SDC2: variants seen among roughly 807,000 people sequenced by gnomAD.
SDC2 encodes the protein syndecan 2, also known as syndecan-2.
Under a neutral mutation model 22.2 loss-of-function variants are expected in SDC2, and 13 were observed. The ratio of observed to expected loss-of-function variants is 0.59; its 90% confidence interval spans 0.38 to 0.93. The LOEUF (loss-of-function observed/expected upper bound fraction) is 0.93. Ranked by LOEUF, SDC2 falls within the 40% of genes least tolerant of loss-of-function variation. The probability of loss-of-function intolerance (pLI) is 0.00; values close to 1 mark genes in which losing one functional copy is unlikely to be tolerated. For synonymous variants in SDC2, 94 were observed against 92.8 expected (o/e 1.01, Z -0.07); for missense variants, 235 against 246.8 (o/e 0.95, Z 0.32).
chr8:96,546,200 A>G (rs921616038), intron 1 of SDC2, among the ~76,000 whole-genome samples: 4 of 152,192 alleles, frequency 2.6e-5, no homozygotes, highest in African/African-American at 9.7e-5. Context: ...CTTAAATCAG[A>G]GACTGGTCTA....
At chr8:96,530,486 T>G (rs1813643557) in intron 1 of SDC2, among the ~76,000 whole-genome samples, 1 of 151,940 alleles carries the variant, frequency 6.6e-6, no homozygotes, top group African/African-American at 2.4e-5. Flanking sequence ...ATATAAAAAT[T>G]AGCTGGACGT....
At position 96,517,805 on chromosome 8, in the gene SDC2, A is replaced by G. The variant is rs528450360; in HGVS notation, c.60+23474A>G. 2.0e-3 allele frequency among the ~76,000 whole-genome samples: 306 copies of G among 149,626 alleles called. 1 individual carries two copies. Among genetic ancestry groups the G allele is most frequent in the South Asian group, 4.0e-3 (19 of 4,740 alleles). ...TGTGTGTGTGTGTGTGTGTGTGTAT[A>G]TATATATGCACACATGAATCTTAAA... is the stretch of plus-strand genomic sequence containing the variant. On this transcript the variant is annotated intron_variant, in intron 1 of 4. Transcript: ENST00000302190.
chr8:96,504,958 A>G (rs1813217781), intron 1 of SDC2, among the ~76,000 whole-genome samples: 2 of 152,052 alleles, frequency 1.3e-5, no homozygotes. Flanking sequence ...GTTCTCTGGC[A>G]GACAGGTGTG....
At chr8:96,496,195 C>T (rs562589943) in intron 1 of SDC2, among the ~76,000 whole-genome samples, 4 of 152,314 alleles carry the variant, frequency 2.6e-5, no homozygotes, top group East Asian at 1.9e-4. Flanking sequence ...TCTTCTGCTC[C>T]TCTGGGTTTT....
chr8:96,549,173 C>T (rs1813985126), intron 1 of SDC2, among the ~76,000 whole-genome samples: 1 of 152,160 alleles, frequency 6.6e-6, no homozygotes, highest in Non-Finnish European at 1.5e-5. Context: ...ACCAGTTTCT[C>T]AGGAAAACTT....
At chr8:96,569,546 A>G (rs1814356384) in intron 1 of SDC2, among the ~76,000 whole-genome samples, 1 of 152,160 alleles carries the variant, frequency 6.6e-6, no homozygotes, top group Non-Finnish European at 1.5e-5. Context: ...CATAGTAGGT[A>G]CTTAAATATT....
intron 1 of SDC2, among the ~76,000 whole-genome samples, chr8:96,547,397 C>G (rs1813951020): frequency 6.6e-6 from 1 of 152,206 alleles, no homozygotes; most frequent in African/African-American, 2.4e-5. Context: ...AATTATGACT[C>G]AAGCTCACCC....
rs773737904 is a variant in SDC2 at position 96,608,468 on chromosome 8, C to G, written c.440C>G (p.Ala147Gly). ...DSLFKRTEVLAAVIAGGVIGF... is the reference protein window; with the variant it reads ...DSLFKRTEVLGAVIAGGVIGF... ...CTGTTTAAACGGACAGAAGTCCTAG[C>G]AGGTGAGTAGCCTGGTGGGCCTCAG... The change falls in exon 4 of 5, where the codon GCA (alanine) becomes GGA (glycine). Residue 147 changes from alanine (A) to glycine (G), a missense_variant and splice_region_variant. Coordinates refer to ENST00000302190, the MANE Select transcript of SDC2 (RefSeq NM_002998.4). 17 of 1,610,784 alleles carry G rather than the reference C, an allele frequency of 1.1e-5. No homozygotes were observed. In the South Asian group the frequency reaches 1.8e-4, roughly 17 times the overall value.
At chr8:96,605,038 ACT>A (rs1815054406) in intron 3 of SDC2, among the ~76,000 whole-genome samples, 1 of 152,242 alleles carries the variant, frequency 6.6e-6, no homozygotes, top group African/African-American at 2.4e-5. Flanking sequence ...CAGTTCCCAC[ACT>A]CTCAGATCCC....
At chr8:96,580,443 C>G (rs1225020931) in intron 1 of SDC2, 1 of 985,210 alleles carries the variant, frequency 1.0e-6, no homozygotes, top group East Asian at 1.1e-4. Context: ...TCAGCTGTTG[C>G]TTGTTGCCAC....
intron 1 of SDC2, among the ~76,000 whole-genome samples, chr8:96,512,474 C>T (rs548130336): frequency 6.6e-5 from 10 of 152,124 alleles, no homozygotes; most frequent in Non-Finnish European, 1.5e-4. Flanking sequence ...CCCCAGAATC[C>T]CGTGGACTGT....
At chr8:96,511,206 A>T (rs971089612) in intron 1 of SDC2, among the ~76,000 whole-genome samples, 11 of 152,172 alleles carry the variant, frequency 7.2e-5, no homozygotes, top group Non-Finnish European at 1.3e-4. Context: ...CAGCACAGAC[A>T]CTATTGAGAG....
chr8:96,541,692 G>T (rs1813853444), intron 1 of SDC2, among the ~76,000 whole-genome samples: 1 of 90,444 alleles, frequency 1.1e-5, no homozygotes, highest in Non-Finnish European at 3.2e-5. Context: ...AGGGGCTGAG[G>T]GAGGGGGCAA....
At chr8:96,524,711 A>G (rs373736289) in intron 1 of SDC2, among the ~76,000 whole-genome samples, 5 of 152,332 alleles carry the variant, frequency 3.3e-5, no homozygotes, top group East Asian at 1.9e-4. Context: ...TGCTGAAGTC[A>G]TATTTAGAAA....
At chr8:96,605,926 G>A (rs1373599470) in intron 3 of SDC2, among the ~76,000 whole-genome samples, 1 of 152,160 alleles carries the variant, frequency 6.6e-6, no homozygotes, top group Non-Finnish European at 1.5e-5. Flanking sequence ...GCCCAAGAAG[G>A]TGTGAGGTCT....
At chr8:96,512,559 C>A (rs1042866218) in intron 1 of SDC2, among the ~76,000 whole-genome samples, 1 of 151,998 alleles carries the variant, frequency 6.6e-6, no homozygotes, top group East Asian at 1.9e-4. Flanking sequence ...TTACCTCACT[C>A]CTTTGTGAAT....
chr8:96,608,334 G>T lies in SDC2; in HGVS notation c.307-1G>T. On this transcript the variant is annotated splice_acceptor_variant, in intron 3 of 4. Transcript: ENST00000302190. LOFTEE classifies it high-confidence loss of function. ...TAATCTTTCCCTGTTTCCCATACCA[G>T]TCACCTGAAGAAACTGATAAAGAGA... 1.2e-6 allele frequency: 2 copies of T among 1,611,758 alleles called. No homozygotes were observed. Among genetic ancestry groups the T allele is most frequent in the Non-Finnish European group, 8.5e-7 (1 of 1,179,000 alleles).
intron 1 of SDC2, among the ~76,000 whole-genome samples, chr8:96,500,661 CAAA>C (rs56672989): frequency 4.1e-5 from 3 of 73,636 alleles, no homozygotes; most frequent in Non-Finnish European, 5.5e-5. Context: ...GACTCCATCT[CAAA>C]AAAAAAAAAA....
rs1304044596 is a variant in SDC2, at chr8:96,611,269, TC to T, written c.*1722del. 3.9e-5 allele frequency: 6 copies of T among 152,310 alleles called. No homozygotes were observed. The highest frequency in any genetic ancestry group is 7.4e-5 in the Non-Finnish European group (5 of 68,020). The allele number at this position is 152,310 out of a possible 1,614,324, so 9.4% of individuals were successfully genotyped here. A position where few individuals can be genotyped will look rare whatever the true frequency, so the allele number is the denominator to read the frequency against. ...CTTTCTGTACTAAACATTTCCTTTT[TC>T]TATTTTACCACTAATTTTGTTTTAA... On this transcript the variant is annotated 3_prime_UTR_variant, in exon 5 of 5. Coordinates refer to ENST00000302190, the MANE Select transcript of SDC2 (RefSeq NM_002998.4).
Sources: gnomAD v4.1 joint callset for allele counts (sites outside exome capture counted in the v4.1 genomes callset) on GRCh38, gnomAD v4.1.1 for gene constraint, MANE v1.5 for transcripts, NCBI Gene and HGNC (gene_info 2026-07-23, HGNC 2026-07-21) for gene names.